The following ERICH6B variants were observed in gnomAD, a reference collection of about 807,000 sequenced individuals.
ERICH6B encodes the protein glutamate rich 6B, also known as glutamate-rich protein 6B.
Under a neutral mutation model 80.0 loss-of-function variants are expected in ERICH6B, and 69 were observed. The ratio of observed to expected loss-of-function variants is 0.86; its 90% CI spans 0.71 to 1.05. The LOEUF is 1.05. ERICH6B is among the 50% of genes least tolerant of loss of function. The pLI, the probability that ERICH6B is intolerant of heterozygous loss-of-function variation, is 0.00. For synonymous variants in ERICH6B, 283 were observed against 291.9 expected (o/e 0.97, Z 0.31); for missense variants, 754 against 796.1 (o/e 0.95, Z 0.64).
intron 3 of ERICH6B, among the ~76,000 whole-genome samples, chr13:45,595,860 G>A (rs1876347167): frequency 6.6e-6 from 1 of 152,002 alleles, no homozygotes; most frequent in South Asian, 2.1e-4. Context: ...GCCCAGGCTG[G>A]TCTCAAACTT....
intron 11 of ERICH6B, among the ~76,000 whole-genome samples, chr13:45,556,061 C>T (rs376211192): frequency 6.6e-6 from 1 of 151,020 alleles, no homozygotes; most frequent in South Asian, 2.1e-4. Context: ...AATGGCCTTC[C>T]CTGATTACTC....
chr13:45,562,780 G>C (rs938208997), intron 10 of ERICH6B, among the ~76,000 whole-genome samples: 1 of 152,226 alleles, frequency 6.6e-6, no homozygotes, highest in Non-Finnish European at 1.5e-5. Context: ...TTGGAGGCTG[G>C]AGTGGGGATG....
At chr13:45,554,491 C>G (rs1359146928) in intron 11 of ERICH6B, among the ~76,000 whole-genome samples, 1 of 152,150 alleles carries the variant, frequency 6.6e-6, no homozygotes, top group Non-Finnish European at 1.5e-5. Flanking sequence ...GTCTTATTTT[C>G]AAAAGCCACC....
chr13:45,586,956 C>T, intron 5 of ERICH6B, 107 bp downstream of exon 5: 4 of 1,187,860 alleles, frequency 3.4e-6, no homozygotes, highest in Non-Finnish European at 4.7e-6. Flanking sequence ...ATATCATTAG[C>T]ATGAAAGGCA....
chr13:45,550,920 C>A (rs1874196505), intron 11 of ERICH6B, among the ~76,000 whole-genome samples: 1 of 152,176 alleles, frequency 6.6e-6, no homozygotes, highest in Non-Finnish European at 1.5e-5. Flanking sequence ...AAGACTATTT[C>A]CAGATAAGGT....
intron 4 of ERICH6B, among the ~76,000 whole-genome samples, chr13:45,588,515 G>A (rs1876019665): frequency 2.6e-5 from 4 of 152,212 alleles, no homozygotes; most frequent in Admixed American, 2.6e-4. Flanking sequence ...CAGGTGAGGA[G>A]ACTCTCTAGG....
intron 13 of ERICH6B, among the ~76,000 whole-genome samples, chr13:45,547,603 G>A (rs567713384): frequency 7.9e-5 from 12 of 152,308 alleles, no homozygotes; most frequent in African/African-American, 2.6e-4. Context: ...GAAGAAGCAC[G>A]TTGAGCCACC....
At chr13:45,612,116 C>A (rs544125031) in intron 1 of ERICH6B, among the ~76,000 whole-genome samples, 2 of 152,332 alleles carry the variant, frequency 1.3e-5, no homozygotes, top group Non-Finnish European at 2.9e-5. Flanking sequence ...CCCCTCTAGG[C>A]TGCCCAAATA....
In ERICH6B at chr13:45,559,870, A is replaced by C. The variant is rs563723766; in HGVS notation, c.1407+1499T>G. ...CTGATGAATAGAAAGTATATTCTGC[A>C]GTGTTGGGTAGAATGTTCTGTAAAT... On this transcript the variant is annotated intron_variant, in intron 11 of 14. Transcript: ENST00000298738. 1.1e-3 allele frequency among the ~76,000 whole-genome samples: 172 copies of C among 152,324 alleles called. 1 individual carries two copies. The highest frequency in any genetic ancestry group is 3.8e-3 in the African/African-American group (156 of 41,568).
intron 11 of ERICH6B, among the ~76,000 whole-genome samples, chr13:45,551,240 A>G (rs547016764): frequency 2.7e-4 from 41 of 152,246 alleles, no homozygotes; most frequent in Non-Finnish European, 5.0e-4. Flanking sequence ...TTTTCAAAGG[A>G]CCAAGTTTTG....
At chr13:45,586,914 A>G in intron 5 of ERICH6B, 149 bp downstream of exon 5, 4 of 848,706 alleles carry the variant, frequency 4.7e-6, no homozygotes, top group Non-Finnish European at 7.0e-6. Context: ...CTTACCCAAA[A>G]TGAGACCTCA....
At position 45,587,227 on chromosome 13, in the gene ERICH6B, G is replaced by T; in HGVS notation, c.692C>A (p.Pro231Gln). ...QTMLLRDARS[P>Q]DAGPSQVTTF... ...GGTCACCTGAGAGGGGCCAGCGTCT[G>T]GACTCCTGTCAGAGGGGAGAACAGG... Residue 231 changes from proline to glutamine, a missense_variant, in exon 5 of 15, where the codon CCA (proline) becomes CAA (glutamine). By Grantham distance (76) the Pro-to-Gln change is moderately conservative. Coordinates refer to ENST00000298738, the MANE Select transcript of ERICH6B (RefSeq NM_182542.3). The T allele has an allele frequency of 6.4e-7, 1 of 1,551,552 alleles. No individual in the cohort carries two copies. The highest frequency in any genetic ancestry group is 8.7e-7 in the Non-Finnish European group (1 of 1,146,954).
At chr13:45,571,210 T>C (rs1875151336) in intron 8 of ERICH6B, among the ~76,000 whole-genome samples, 1 of 152,146 alleles carries the variant, frequency 6.6e-6, no homozygotes, top group South Asian at 2.1e-4. Context: ...TGTGACATAC[T>C]TTGTCACCTG....
At chr13:45,577,646 C>A (rs1271164323) in intron 7 of ERICH6B, among the ~76,000 whole-genome samples, 1 of 152,114 alleles carries the variant, frequency 6.6e-6, no homozygotes, top group Non-Finnish European at 1.5e-5. Context: ...CAGGGTCTCT[C>A]TCTGTAGCCC....
intron 8 of ERICH6B, among the ~76,000 whole-genome samples, chr13:45,570,150 A>G (rs1875090604): frequency 6.6e-6 from 1 of 152,220 alleles, no homozygotes; most frequent in South Asian, 2.1e-4. Flanking sequence ...CCTAGCCTAC[A>G]GAGTGGAACT....
intron 11 of ERICH6B, among the ~76,000 whole-genome samples, chr13:45,557,648 T>C (rs563844271): frequency 2.0e-5 from 3 of 152,360 alleles, no homozygotes; most frequent in South Asian, 4.1e-4. Context: ...CTCCTACATG[T>C]TGCTTGCCAA....
At chr13:45,574,578 G>A (rs970647287) in intron 8 of ERICH6B, among the ~76,000 whole-genome samples, 1 of 152,182 alleles carries the variant, frequency 6.6e-6, no homozygotes, top group Non-Finnish European at 1.5e-5. Context: ...CTGGAGTGGA[G>A]AGGTTAGCAT....
intron 12 of ERICH6B, 35 bp downstream of exon 12, chr13:45,550,196 T>G (rs927155516): frequency 2.6e-6 from 4 of 1,544,164 alleles, no homozygotes; most frequent in Non-Finnish European, 3.5e-6. Context: ...TGCCAATATA[T>G]GTCAATACGA....
At chr13:45,595,700 G>C (rs1232623190) in intron 3 of ERICH6B, among the ~76,000 whole-genome samples, 5 of 136,646 alleles carry the variant, frequency 3.7e-5, no homozygotes, top group Non-Finnish European at 7.7e-5. Context: ...TTTTTTTAGA[G>C]ATAAGCATTC....
Sources: allele counts gnomAD v4.1 joint callset (sites outside exome capture counted in the v4.1 genomes callset), GRCh38; gene constraint gnomAD v4.1.1; transcripts MANE v1.5; gene names NCBI Gene and HGNC (gene_info 2026-07-23, HGNC 2026-07-21).